The following PARVA variants were observed in gnomAD, a reference collection of about 807,000 sequenced individuals.
PARVA encodes alpha-parvin.
PARVA carries 25 observed loss-of-function variants against 52.6 expected under a neutral mutation model. That is an observed-to-expected ratio of 0.48 (90% CI 0.35 to 0.66). The LOEUF is 0.66. PARVA is among the 30% of genes least tolerant of loss of function. The probability of loss-of-function intolerance (pLI) is 0.01; values close to 1 mark genes in which losing one functional copy is unlikely to be tolerated. For synonymous variants in PARVA, 185 were observed against 179.1 expected (o/e 1.03, Z -0.26); for missense variants, 373 against 450.9 (o/e 0.83, Z 1.56).
rs2135094701 is a variant in PARVA at position 12,528,273 on chromosome 11, GCTAA to G, written c.*351_*354del. ...AGATCCTAGTTACCATTCAAAGGAT[GCTAA>G]CTGTGTGTCAGGCCCCACACTAAGT... On this transcript the variant is annotated 3_prime_UTR_variant, in exon 13 of 13. Transcript: ENST00000334956. The G allele has an allele frequency of 3.2e-6, 1 of 314,534 alleles. No individual in the cohort carries two copies. Among genetic ancestry groups the G allele is most frequent in the Non-Finnish European group, 6.1e-6 (1 of 164,836 alleles). The allele number at this position is 314,534 out of a possible 1,614,324, so 19.5% of individuals were successfully genotyped here.
intron 1 of PARVA, among the ~76,000 whole-genome samples, chr11:12,383,020 A>G (rs1278507919): frequency 1.3e-5 from 2 of 152,156 alleles, no homozygotes; most frequent in East Asian, 1.9e-4. Flanking sequence ...GCCCATGACT[A>G]TATGCCTGTG....
At chr11:12,474,742 T>C (rs1157379191) in intron 3 of PARVA, among the ~76,000 whole-genome samples, 1 of 151,806 alleles carries the variant, frequency 6.6e-6, no homozygotes, top group African/African-American at 2.4e-5. Flanking sequence ...CCATCTCTAC[T>C]AAAAATACAA....
chr11:12,473,601 A>T, intron 1 of PARVA, 144 bp from the exon 2 acceptor site: 1 of 650,074 alleles, frequency 1.5e-6, no homozygotes, highest in Non-Finnish European at 2.7e-6. Flanking sequence ...CGAGGCCATG[A>T]ATTGATCGTA....
rs532960358 is a variant in PARVA, at chr11:12,531,739, G to A, written c.*3814G>A. Among the ~76,000 whole-genome samples the A allele has an allele frequency of 4.0e-5, 6 of 151,674 alleles. No homozygotes were observed. Among genetic ancestry groups the A allele is most frequent in the Non-Finnish European group, 5.9e-5 (4 of 67,992 alleles). ...ATCTTCACTAATTCCAAGATTGCGT[G>A]TCATTTCCCCCAAAAATTTGCTTAA... On this transcript the variant is annotated 3_prime_UTR_variant, in exon 13 of 13. Transcript: ENST00000334956.
Position 12,490,526 on chromosome 11 carries a change from A to AG in PARVA, c.401-5932_401-5931insG, listed in dbSNP as rs1395762457. Among the ~76,000 whole-genome samples, 21 of 135,824 alleles carry AG rather than the reference A, an allele frequency of 1.5e-4. No homozygotes were observed. In the East Asian group the frequency reaches 3.6e-3, roughly 23 times the overall value. The allele number at this position is 135,824 out of a possible 152,430, so 89.1% of individuals were successfully genotyped here. A position where few individuals can be genotyped will look rare whatever the true frequency, so the allele number is the denominator to read the frequency against. On this transcript the variant is annotated intron_variant, in intron 4 of 12. Transcript: ENST00000334956. The stretch of plus-strand genomic sequence containing the variant: ...AGTAAGACTATGTCTCAAAAAAAAA[A>AG]AAAGAGAGAGAGAGAAAATAAAGGC...
chr11:12,421,281 G>T (rs1464196952), intron 1 of PARVA, among the ~76,000 whole-genome samples: 1 of 152,088 alleles, frequency 6.6e-6, no homozygotes, highest in African/African-American at 2.4e-5. Flanking sequence ...TATATACTTA[G>T]GAAGTCCAAG....
At chr11:12,385,345 A>G (rs1939558511) in intron 1 of PARVA, among the ~76,000 whole-genome samples, 2 of 152,168 alleles carry the variant, frequency 1.3e-5, no homozygotes, top group Non-Finnish European at 2.9e-5. Flanking sequence ...TAATAAATAA[A>G]TAAAGGCTAC....
intron 5 of PARVA, among the ~76,000 whole-genome samples, chr11:12,500,697 A>G (rs1042136428): frequency 1.3e-5 from 2 of 152,250 alleles, no homozygotes; most frequent in Non-Finnish European, 2.9e-5. Flanking sequence ...AGGCTGAGGC[A>G]GGAGATTCGC....
rs1273339122 is a variant in PARVA at position 12,380,710 on chromosome 11, T to C, written c.136+2927T>C. ...TCTCCAGAAGTCACCATAGTACAGT[T>C]GTAGTGCAAGCCAGCCACCCCAGAT... is the stretch of plus-strand genomic sequence containing the variant. On this transcript the variant is annotated intron_variant, in intron 1 of 12. Coordinates refer to ENST00000334956, the MANE Select transcript of PARVA (RefSeq NM_018222.5). Among the ~76,000 whole-genome samples the C allele has an allele frequency of 2.6e-5, 4 of 151,306 alleles. 1 individual carries two copies. The highest frequency in any genetic ancestry group is 9.8e-5 in the African/African-American group (4 of 40,774).
At chr11:12,427,677 G>A (rs1363284802) in intron 1 of PARVA, among the ~76,000 whole-genome samples, 11 of 152,168 alleles carry the variant, frequency 7.2e-5, no homozygotes, top group African/African-American at 2.7e-4. Flanking sequence ...TTTGTCTTAT[G>A]GGTCATCAGC....
intron 1 of PARVA, among the ~76,000 whole-genome samples, chr11:12,434,570 G>C (rs996479426): frequency 6.6e-6 from 1 of 152,012 alleles, no homozygotes; most frequent in African/African-American, 2.4e-5. Flanking sequence ...ATCATTCTAT[G>C]TCTGAACACA....
chr11:12,523,713 C>T (rs1941666833), intron 12 of PARVA, among the ~76,000 whole-genome samples: 1 of 152,146 alleles, frequency 6.6e-6, no homozygotes, highest in African/African-American at 2.4e-5. Flanking sequence ...TGTCAGACAG[C>T]CTCTGTTCTG....
chr11:12,398,983 T>C (rs1033169421), intron 1 of PARVA, among the ~76,000 whole-genome samples: 2 of 151,890 alleles, frequency 1.3e-5, no homozygotes, highest in Non-Finnish European at 2.9e-5. Flanking sequence ...TACGTAACTA[T>C]GAGATAGGTT....
chr11:12,476,163 C>T (rs563711217), intron 3 of PARVA, among the ~76,000 whole-genome samples: 14 of 152,254 alleles, frequency 9.2e-5, no homozygotes, highest in South Asian at 2.1e-4. Context: ...GACCTGCACT[C>T]GGGCCCTGTT....
chr11:12,414,637 A>ATTTT (rs11403070), intron 1 of PARVA, among the ~76,000 whole-genome samples: 6 of 147,234 alleles, frequency 4.1e-5, no homozygotes, highest in Admixed American at 6.8e-5. Flanking sequence ...TGAAAATTTC[A>ATTTT]TTTTTTTTTT....
intron 1 of PARVA, among the ~76,000 whole-genome samples, chr11:12,386,163 A>G (rs1303212660): frequency 6.6e-6 from 1 of 152,180 alleles, no homozygotes; most frequent in Non-Finnish European, 1.5e-5. Context: ...TTAAAGCACA[A>G]AGATAACTTC....
intron 4 of PARVA, among the ~76,000 whole-genome samples, chr11:12,495,066 G>T (rs1228839253): frequency 1.3e-5 from 2 of 152,192 alleles, no homozygotes; most frequent in East Asian, 3.8e-4. Flanking sequence ...AGTAGGAGAG[G>T]ATCCAAGATA....
intron 1 of PARVA, among the ~76,000 whole-genome samples, chr11:12,422,262 C>G (rs6485723): frequency 0.97 from 147,560 of 152,346 alleles, 71,635 homozygotes; most frequent in East Asian, 1. Flanking sequence ...TTCCATTTTA[C>G]TTCTTAATAA....
intron 8 of PARVA, 136 bp from the exon 9 acceptor site, chr11:12,513,163 A>G (rs764484610): frequency 7.7e-6 from 6 of 784,138 alleles, no homozygotes; most frequent in Non-Finnish European, 1.2e-5. Flanking sequence ...AGTTCCCGGC[A>G]CAGTCTATAC....
Sources: allele counts gnomAD v4.1 joint callset (sites outside exome capture counted in the v4.1 genomes callset), GRCh38; gene constraint gnomAD v4.1.1; transcripts MANE v1.5; gene names NCBI Gene and HGNC (gene_info 2026-07-23, HGNC 2026-07-21).